The following DMD variants were observed in gnomAD, a reference collection of about 807,000 sequenced individuals.
DMD encodes mutant dystrophin.
In DMD, 63 loss-of-function variants were observed where a neutral mutation model predicts 330.1. The ratio of observed to expected loss-of-function variants is 0.19; its 90% CI spans 0.16 to 0.24. DMD has a LOEUF of 0.24. Ranked by LOEUF, DMD falls within the 10% of genes least tolerant of loss-of-function variation. DMD has a pLI of 1.00. For missense variants in DMD, 3,344 were observed against 2,684.1 expected (o/e 1.25, Z -5.43); for synonymous variants, 1,223 against 959.8 (o/e 1.27, Z -5.07).
intron 55 of DMD, among the ~76,000 whole-genome samples, chrX:31,559,435 G>T (rs1175882023): frequency 3.9e-5 from 3 of 76,007 alleles, no homozygotes; most frequent in African/African-American, 2.0e-4. Context: ...GAGGTCAGGA[G>T]ATCGAGACCA....
chrX:32,979,452 T>C (rs920696367), intron 2 of DMD, among the ~76,000 whole-genome samples: 8 of 111,987 alleles, frequency 7.1e-5, no homozygotes, highest in Non-Finnish European at 1.3e-4. Flanking sequence ...AATTGGCACT[T>C]ATAACTTTTT....
At chrX:32,723,180 T>A (rs1382341446) in intron 7 of DMD, among the ~76,000 whole-genome samples, 1 of 111,862 alleles carries the variant, frequency 8.9e-6, no homozygotes, top group Non-Finnish European at 1.9e-5. Flanking sequence ...TCTGCATGTA[T>A]TGAGATAATC....
At chrX:32,358,641 T>G (rs1160163627) in intron 37 of DMD, among the ~76,000 whole-genome samples, 2 of 111,827 alleles carry the variant, frequency 1.8e-5, no homozygotes, top group Non-Finnish European at 3.8e-5. Flanking sequence ...ACATAACTCC[T>G]TAGTAGTTCT....
chrX:33,176,363 G>A (rs1298222762), intron 1 of DMD, among the ~76,000 whole-genome samples: 1 of 108,875 alleles, frequency 9.2e-6, no homozygotes, highest in African/African-American at 3.4e-5. Flanking sequence ...CCCTGAGTCG[G>A]AACAATAAAT....
intron 59 of DMD, among the ~76,000 whole-genome samples, chrX:31,449,648 A>G (rs1462830832): frequency 9.3e-6 from 1 of 107,122 alleles, no homozygotes; most frequent in African/African-American, 3.4e-5. Flanking sequence ...AGGATAATCC[A>G]TAAAAGGCCA....
At chrX:32,146,954 A>G (rs746158205) in intron 44 of DMD, among the ~76,000 whole-genome samples, 1 of 112,298 alleles carries the variant, frequency 8.9e-6, no homozygotes, top group Admixed American at 9.5e-5. Context: ...TCCAGCTCCA[A>G]TAATTACTGG....
rs1315355019 is a variant in DMD, at chrX:31,120,441, G to A, written c.*1478C>T. ...TTCATGGGCTTCTGGGTTGATACCTGTCAGTATCACAAATGTGATGGGGCT... is the reference window on the plus strand; with the variant it reads ...TTCATGGGCTTCTGGGTTGATACCTATCAGTATCACAAATGTGATGGGGCT... On this transcript the variant is annotated 3_prime_UTR_variant, in exon 79 of 79. Coordinates refer to ENST00000357033, the MANE Select transcript of DMD (RefSeq NM_004006.3). 1 of 111,810 alleles carries A rather than the reference G, an allele frequency of 8.9e-6. No homozygotes were observed. The highest frequency in any genetic ancestry group is 1.9e-5 in the Non-Finnish European group (1 of 53,114). The allele number at this position is 111,810 out of a possible 1,213,427, so 9.2% of individuals were successfully genotyped here. A position where few individuals can be genotyped will look rare whatever the true frequency, so the allele number is the denominator to read the frequency against.
intron 13 of DMD, among the ~76,000 whole-genome samples, chrX:32,578,247 C>T (rs369512027): frequency 4.5e-5 from 5 of 112,044 alleles, no homozygotes; most frequent in African/African-American, 1.6e-4. Flanking sequence ...TTTCTATTTA[C>T]GTATAGGAAT....
At chrX:32,408,343 A>G (rs1441761731) in intron 30 of DMD, among the ~76,000 whole-genome samples, 6 of 111,568 alleles carry the variant, frequency 5.4e-5, no homozygotes, top group Non-Finnish European at 9.4e-5. Flanking sequence ...CACACTAAGG[A>G]AGTGAGCAGC....
intron 9 of DMD, among the ~76,000 whole-genome samples, chrX:32,651,546 C>T (rs1255643727): frequency 3.6e-5 from 4 of 111,856 alleles, no homozygotes; most frequent in African/African-American, 1.3e-4. Flanking sequence ...GTCTTCATTA[C>T]GTTGCTGAGT....
chrX:32,680,158 T>G (rs2062297744), intron 9 of DMD, among the ~76,000 whole-genome samples: 1 of 109,265 alleles, frequency 9.2e-6, no homozygotes. Context: ...ATGATCCGCC[T>G]GCTTCGGCCT....
chrX:32,628,112 C>T (rs2058473632), intron 11 of DMD, among the ~76,000 whole-genome samples: 1 of 108,437 alleles, frequency 9.2e-6, no homozygotes, highest in African/African-American at 3.4e-5. Context: ...ATCATCCTGT[C>T]GTGCTATCAA....
At chrX:33,100,250 A>G (rs1356196211) in intron 1 of DMD, among the ~76,000 whole-genome samples, 1 of 112,395 alleles carries the variant, frequency 8.9e-6, no homozygotes, top group Non-Finnish European at 1.9e-5. Flanking sequence ...TTTACAATGC[A>G]AAGTTAGACA....
At chrX:31,211,273 TTC>T (rs1298348920) in intron 64 of DMD, among the ~76,000 whole-genome samples, 1 of 112,132 alleles carries the variant, frequency 8.9e-6, no homozygotes, top group South Asian at 3.8e-4. Context: ...CAAACTTTTC[TTC>T]TCTCTCTCTT....
intron 5 of DMD, among the ~76,000 whole-genome samples, chrX:32,821,789 CT>C (rs2148839814): frequency 9.1e-6 from 1 of 109,707 alleles, no homozygotes; most frequent in South Asian, 3.9e-4. Flanking sequence ...TGACAATTGC[CT>C]AGGGCTGGGG....
At chrX:32,380,001 G>A (rs1231170073) in intron 34 of DMD, among the ~76,000 whole-genome samples, 1 of 111,670 alleles carries the variant, frequency 9.0e-6, no homozygotes, top group East Asian at 2.8e-4. Flanking sequence ...GAAAGGGCAA[G>A]AATTTAACGG....
chrX:33,242,617 G>A (rs750094765), intron 1 of DMD, among the ~76,000 whole-genome samples: 1 of 111,514 alleles, frequency 9.0e-6, no homozygotes, highest in Admixed American at 9.6e-5. Context: ...TCTGGTAGTG[G>A]GATTGCTGAA....
At chrX:33,033,648 G>A in intron 1 of DMD, among the ~76,000 whole-genome samples, 1 of 109,561 alleles carries the variant, frequency 9.1e-6, no homozygotes, top group Non-Finnish European at 1.9e-5. Context: ...AACCCGGGAG[G>A]CGGAGCTTGC....
At position 32,297,271 on chromosome X, in the gene DMD, A is replaced by AT. The variant is rs869187763; in HGVS notation, c.6118-9571dup. Among the ~76,000 whole-genome samples, 235 of 89,809 alleles carry AT rather than the reference A, an allele frequency of 2.6e-3. 1 individual carries two copies. The highest frequency in any genetic ancestry group is 0.011 in the African/African-American group (221 of 20,453). 78.0% of individuals were successfully genotyped at this position (89,809 alleles called of 115,157 possible). A position where few individuals can be genotyped will look rare whatever the true frequency, so the allele number is the denominator to read the frequency against. ...TATTTATTTATTTATTTATTTATTT[A>AT]TTATTTATTTATTTATTTTGGAGAC... On this transcript the variant is annotated intron_variant, in intron 42 of 78. Coordinates refer to ENST00000357033, the MANE Select transcript of DMD (RefSeq NM_004006.3).
Sources: gnomAD v4.1 joint callset for allele counts (sites outside exome capture counted in the v4.1 genomes callset) on GRCh38, gnomAD v4.1.1 for gene constraint, MANE v1.5 for transcripts, NCBI Gene and HGNC (gene_info 2026-07-23, HGNC 2026-07-21) for gene names.